DNAH5: variants seen among roughly 807,000 people sequenced by gnomAD.
DNAH5 encodes axonemal beta dynein heavy chain 5.
A neutral mutation model predicts 518.2 loss-of-function variants in DNAH5; 372 were observed. That is an observed-to-expected ratio of 0.72 (90% CI 0.66 to 0.78). The LOEUF (loss-of-function observed/expected upper bound fraction) is 0.78. DNAH5 is among the 30% of genes least tolerant of loss of function. DNAH5 has a pLI of 0.00. For synonymous variants in DNAH5, 2,039 were observed against 2,025.9 expected, an observed-to-expected ratio of 1.01 and a Z score of -0.17; for missense variants, 5,523 against 5,687.0, an observed-to-expected ratio of 0.97 and a Z score of 0.93.
At chr5:13,812,858 A>T (rs187862139) in intron 43 of DNAH5, among the ~76,000 whole-genome samples, 33 of 152,354 alleles carry the variant, frequency 2.2e-4, no homozygotes, top group Admixed American at 9.8e-4. Context: ...TCAGTATTCC[A>T]AGAAACAATT....
intron 1 of DNAH5, among the ~76,000 whole-genome samples, chr5:13,954,087 T>C (rs1282143881): frequency 6.6e-6 from 1 of 152,190 alleles, no homozygotes; most frequent in Non-Finnish European, 1.5e-5. Context: ...TTCTACATGG[T>C]AAGAAAAGTA....
chr5:14,004,834 T>A (rs1385562482), intron 1 of DNAH5, among the ~76,000 whole-genome samples: 1 of 151,644 alleles, frequency 6.6e-6, no homozygotes, highest in Non-Finnish European at 1.5e-5. Context: ...GTTTAAACTG[T>A]GAAATGATGG....
At chr5:13,733,425 A>G (rs1267711621) in intron 68 of DNAH5, among the ~76,000 whole-genome samples, 1 of 152,186 alleles carries the variant, frequency 6.6e-6, no homozygotes, top group Admixed American at 6.5e-5. Context: ...TCCATTGAAA[A>G]GCTCTAGAAA....
rs969574118 is a variant in DNAH5 at position 13,746,879 on chromosome 5, G to GT, written c.11211+4198dup. Reference sequence around the variant, plus strand: ...AAGTTTAAAACTATGTACTATCCTTGTTTTTTTTTAATATATATTTTTATT... The same window carrying GT: ...AAGTTTAAAACTATGTACTATCCTTGTTTTTTTTTTAATATATATTTTTATT... On this transcript the variant is annotated intron_variant, in intron 65 of 78. Transcript: ENST00000265104. Among the ~76,000 whole-genome samples, 136 of 150,360 alleles carry GT rather than the reference G, an allele frequency of 9.0e-4. 1 individual carries two copies. Among genetic ancestry groups the GT allele is most frequent in the African/African-American group, 2.9e-3 (118 of 41,004 alleles).
chr5:13,777,455 C>T, intron 53 of DNAH5, 100 bp from the exon 54 acceptor site: 1 of 1,074,656 alleles, frequency 9.3e-7, no homozygotes, highest in East Asian at 2.5e-5. Context: ...CAAAAAAATG[C>T]TGATTTTGTT....
chr5:13,978,232 C>A (rs1782415447), intron 1 of DNAH5, among the ~76,000 whole-genome samples: 1 of 152,222 alleles, frequency 6.6e-6, no homozygotes. Context: ...GCCCACTCAG[C>A]CAGGCATGGT....
rs368748560 is a variant in DNAH5, at chr5:13,867,785, C to A, written c.4042G>T (p.Asp1348Tyr). 6.2e-7 allele frequency: 1 copy of A among 1,613,568 alleles called. No individual in the cohort carries two copies. The highest frequency in any genetic ancestry group is 1.1e-5 in the South Asian group (1 of 91,060). ...FLQDCHQFYL[D>Y]YDLNGPMASG... ...AGCCAGAGACATACCAAATCATAGTCCAGATAAAACTGGTGACAATCTTGG... is the reference window on the plus strand; with the variant it reads ...AGCCAGAGACATACCAAATCATAGTACAGATAAAACTGGTGACAATCTTGG... The change falls in exon 25 of 79, where the codon GAC becomes TAC. Residue 1348 changes from aspartate (D) to tyrosine (Y), a missense_variant. Around this residue, in one of 3 missense-constraint regions of DNAH5, gnomAD observed 5,121 missense variants for 5,223.3 expected, o/e 0.98. Coordinates refer to ENST00000265104, the MANE Select transcript of DNAH5 (RefSeq NM_001369.3).
At position 13,786,222 on chromosome 5, in the gene DNAH5, A is replaced by G. The variant is rs372071561; in HGVS notation, c.8777T>C (p.Met2926Thr). 5 of 1,613,988 alleles carry G rather than the reference A, an allele frequency of 3.1e-6. No individual in the cohort carries two copies. The highest frequency in any genetic ancestry group is 1.3e-5 in the African/African-American group (1 of 74,926). Residue 2926 changes from methionine to threonine, a missense_variant, in exon 52 of 79, where the codon ATG becomes ACG. By Grantham distance (81) the Met-to-Thr change is moderately conservative. Transcript: ENST00000265104. Reference protein sequence around the residue: ...LYNESIRGAGMDMVFFADAMV... With the variant: ...LYNESIRGAGTDMVFFADAMV... ...GGCATCTGCAAAGAACACCATGTCCATGCCGGCGCCACGGATGCTCTCATT... is the reference window on the plus strand; with the variant it reads ...GGCATCTGCAAAGAACACCATGTCCGTGCCGGCGCCACGGATGCTCTCATT...
intron 1 of DNAH5, among the ~76,000 whole-genome samples, chr5:13,976,908 T>C (rs1387238300): frequency 1.3e-5 from 2 of 152,202 alleles, no homozygotes; most frequent in African/African-American, 4.8e-5. Context: ...AAGTGTCACA[T>C]AAAATATATT....
At chr5:13,705,501 C>T (rs116122010) in intron 76 of DNAH5, among the ~76,000 whole-genome samples, 1,734 of 152,184 alleles carry the variant, frequency 0.011, 26 homozygotes, top group African/African-American at 0.04. Context: ...AAGTCTTTAA[C>T]AGTTTTTGTC....
At chr5:13,982,543 T>G (rs1473033872) in intron 1 of DNAH5, among the ~76,000 whole-genome samples, 1 of 141,740 alleles carries the variant, frequency 7.1e-6, no homozygotes, top group Non-Finnish European at 1.6e-5. Context: ...TGAGTAGACA[T>G]ATGCATTATT....
chr5:13,890,931 G>A, intron 17 of DNAH5, 45 bp downstream of exon 17: 1 of 1,611,078 alleles, frequency 6.2e-7, no homozygotes, highest in Non-Finnish European at 8.5e-7. Context: ...ATAGGAAAAT[G>A]AATCACCAAA....
chr5:13,944,908 A>G (rs1779788585), upstream of DNAH5, among the ~76,000 whole-genome samples: 1 of 152,210 alleles, frequency 6.6e-6, no homozygotes, highest in Non-Finnish European at 1.5e-5. Context: ...GAAATCCAAG[A>G]AGCCACAGCT....
chr5:13,765,943 T>G, intron 59 of DNAH5, 33 bp downstream of exon 59: 2 of 1,599,986 alleles, frequency 1.3e-6, no homozygotes, highest in Non-Finnish European at 1.7e-6. Context: ...AAGAATGAGT[T>G]CCCTCTTAGC....
At chr5:13,962,093 T>C (rs893818047) in intron 1 of DNAH5, among the ~76,000 whole-genome samples, 3 of 152,134 alleles carry the variant, frequency 2.0e-5, no homozygotes, top group Admixed American at 2.0e-4. Context: ...TATATGCATA[T>C]ACCCATGAAA....
intron 59 of DNAH5, among the ~76,000 whole-genome samples, chr5:13,764,889 T>C (rs1232645796): frequency 6.6e-6 from 1 of 152,222 alleles, no homozygotes; most frequent in African/African-American, 2.4e-5. Context: ...TTGTTAAATT[T>C]CCAAGAATTC....
rs1425838648 is a variant in DNAH5, at chr5:13,922,387, A to C, written c.439-59T>G. The C allele has an allele frequency of 2.8e-6, 4 of 1,448,654 alleles. No homozygotes were observed. The East Asian group carries it at 9.6e-5, about 35-fold the overall frequency. 89.7% of individuals were successfully genotyped at this position (1,448,654 alleles called of 1,614,324 possible). A position where few individuals can be genotyped will look rare whatever the true frequency, so the allele number is the denominator to read the frequency against. On this transcript the variant is annotated intron_variant, in intron 4 of 78. Transcript: ENST00000265104. Reference sequence around the variant, plus strand: ...AATCATCCTCAAATGCAACACAACTACTAAGTCATTTCTTAAATGTTGTCA... The same window carrying C: ...AATCATCCTCAAATGCAACACAACTCCTAAGTCATTTCTTAAATGTTGTCA...
At chr5:13,722,483 A>G (rs189765990) in intron 70 of DNAH5, among the ~76,000 whole-genome samples, 3 of 151,816 alleles carry the variant, frequency 2.0e-5, no homozygotes, top group South Asian at 2.1e-4. Flanking sequence ...CTGGCTTACT[A>G]CGTCCTCTCA....
chr5:13,985,063 T>C (rs1782939858), intron 1 of DNAH5, among the ~76,000 whole-genome samples: 1 of 151,984 alleles, frequency 6.6e-6, no homozygotes, highest in South Asian at 2.1e-4. Context: ...ATTAAGAAAA[T>C]GTGGCACAAA....
Sources: allele counts gnomAD v4.1 joint callset (sites outside exome capture counted in the v4.1 genomes callset), GRCh38; gene constraint gnomAD v4.1.1; regional missense constraint gnomAD v4.1.1; transcripts MANE v1.5; gene names NCBI Gene and HGNC (gene_info 2026-07-23, HGNC 2026-07-21).